DLG2: variants seen among roughly 807,000 people sequenced by gnomAD.
DLG2 encodes disks large homolog 2.
DLG2 carries 45 observed loss-of-function variants against 132.5 expected under a neutral mutation model. The observed-to-expected ratio is 0.34, with a 90% CI of 0.27 to 0.44. The LOEUF (loss-of-function observed/expected upper bound fraction) is 0.44, where lower values mean the gene tolerates loss of function less well. DLG2 is among the 20% of genes least tolerant of loss of function. The pLI, the probability that DLG2 is intolerant of heterozygous loss-of-function variation, is 1.00. For synonymous variants in DLG2, 424 were observed against 419.6 expected (o/e 1.01, Z -0.13); for missense variants, 1,045 against 1,196.9 (o/e 0.87, Z 1.87).
intron 10 of DLG2, among the ~76,000 whole-genome samples, chr11:84,073,908 C>A (rs369321158): frequency 1.3e-5 from 2 of 152,142 alleles, no homozygotes; most frequent in Non-Finnish European, 2.9e-5. Context: ...CCAACATATA[C>A]GTACGCAGGG....
At chr11:83,930,290 C>A in intron 15 of DLG2, 38 bp downstream of exon 15, 2 of 1,607,074 alleles carry the variant, frequency 1.2e-6, no homozygotes, top group Non-Finnish European at 1.7e-6. Context: ...GAAGCACATG[C>A]AGTTCGAGAA....
intron 8 of DLG2, among the ~76,000 whole-genome samples, chr11:84,203,581 CAA>C (rs58934857): frequency 5.0e-5 from 5 of 99,422 alleles, no homozygotes; most frequent in Non-Finnish European, 7.3e-5. Flanking sequence ...GACTCCGTCT[CAA>C]AAAAAAAAAA....
intron 6 of DLG2, among the ~76,000 whole-genome samples, chr11:84,732,386 T>A (rs1021117756): frequency 6.6e-6 from 1 of 152,012 alleles, no homozygotes; most frequent in African/African-American, 2.4e-5. Flanking sequence ...CCACCAGCAA[T>A]GTATGAGAAT....
intron 6 of DLG2, among the ~76,000 whole-genome samples, chr11:84,537,327 G>A (rs1252243514): frequency 4.0e-5 from 6 of 151,880 alleles, no homozygotes; most frequent in Non-Finnish European, 7.4e-5. Flanking sequence ...GGCTGGTCTC[G>A]AACTCTTACC....
At position 83,775,863 on chromosome 11, in the gene DLG2, C is replaced by T. The variant is rs540194249; in HGVS notation, c.1825+10827G>A. Among the ~76,000 whole-genome samples, 93 of 152,068 alleles carry T rather than the reference C, an allele frequency of 6.1e-4. 2 individuals carry two copies. The South Asian group carries it at 0.017, about 28-fold the overall frequency. On this transcript the variant is annotated intron_variant, in intron 18 of 27. Transcript: ENST00000376104. ...ATCCCAGCACCTTGGGAGGCCAAGG[C>T]GGGCGGATCACAAGATCAGGAGATC... is the stretch of plus-strand genomic sequence containing the variant.
At chr11:84,686,630 G>GTTTTTTT (rs60618412) in intron 6 of DLG2, among the ~76,000 whole-genome samples, 20 of 113,790 alleles carry the variant, frequency 1.8e-4, no homozygotes, top group Non-Finnish European at 2.3e-4. Context: ...TGGCCTTGAG[G>GTTTTTTT]TTTTTTTTTT....
chr11:85,502,273 G>A (rs891513855), intron 3 of DLG2, among the ~76,000 whole-genome samples: 4 of 151,536 alleles, frequency 2.6e-5, no homozygotes, highest in African/African-American at 2.4e-5. Context: ...TGTGTGGGGT[G>A]GTGGGCTAGG....
intron 15 of DLG2, 49 bp downstream of exon 15, chr11:83,930,279 G>A (rs1172638632): frequency 6.2e-7 from 1 of 1,601,788 alleles, no homozygotes; most frequent in Non-Finnish European, 8.5e-7. Context: ...TTATCCTTGT[G>A]GAAGCACATG....
intron 11 of DLG2, among the ~76,000 whole-genome samples, chr11:84,010,350 T>C (rs1412754159): frequency 1.3e-5 from 2 of 151,920 alleles, no homozygotes; most frequent in Non-Finnish European, 2.9e-5. Flanking sequence ...TGGAGTGCAG[T>C]GGCACAATCA....
At chr11:85,324,709 T>A (rs924787944) in intron 3 of DLG2, among the ~76,000 whole-genome samples, 10 of 152,124 alleles carry the variant, frequency 6.6e-5, no homozygotes, top group African/African-American at 2.4e-4. Context: ...AAAGAAATAA[T>A]TTTTAGGTGA....
intron 6 of DLG2, among the ~76,000 whole-genome samples, chr11:84,564,744 T>C (rs1019038611): frequency 6.6e-6 from 1 of 152,142 alleles, no homozygotes; most frequent in Non-Finnish European, 1.5e-5. Context: ...AAGAGTATGA[T>C]TCAGTGATTT....
At chr11:84,403,136 T>C (rs1455710961) in intron 7 of DLG2, among the ~76,000 whole-genome samples, 1 of 152,110 alleles carries the variant, frequency 6.6e-6, no homozygotes, top group Non-Finnish European at 1.5e-5. Context: ...GATGGTTCAG[T>C]TGATTGCTAA....
At chr11:84,111,765 G>A (rs1411295739) in intron 9 of DLG2, among the ~76,000 whole-genome samples, 1 of 152,138 alleles carries the variant, frequency 6.6e-6, no homozygotes, top group Non-Finnish European at 1.5e-5. Flanking sequence ...AGTCTAGTTG[G>A]GGAGATGTGC....
At chr11:84,829,622 C>T (rs2078767867) in intron 6 of DLG2, among the ~76,000 whole-genome samples, 1 of 151,646 alleles carries the variant, frequency 6.6e-6, no homozygotes, top group Non-Finnish European at 1.5e-5. Flanking sequence ...TGACTTTGGT[C>T]ATTAATTAAC....
At chr11:84,093,915 G>A (rs1415328394) in intron 10 of DLG2, among the ~76,000 whole-genome samples, 3 of 151,746 alleles carry the variant, frequency 2.0e-5, no homozygotes, top group Admixed American at 6.6e-5. Flanking sequence ...GCGCCTATTC[G>A]TGAGTGGCAT....
At chr11:85,599,933 T>C (rs2080035028) in intron 2 of DLG2, among the ~76,000 whole-genome samples, 1 of 152,208 alleles carries the variant, frequency 6.6e-6, no homozygotes, top group Non-Finnish European at 1.5e-5. Flanking sequence ...AAAGCCCTCC[T>C]TCCCTTCCAA....
rs1366883595 is a variant in DLG2 at position 85,285,985 on chromosome 11, G to A, written c.41-620C>T. 5 of 329,970 alleles carry A rather than the reference G, an allele frequency of 1.5e-5. No homozygotes were observed. In the Admixed American group the frequency reaches 2.3e-4, roughly 15 times the overall value. 20.4% of individuals were successfully genotyped at this position (329,970 alleles called of 1,614,324 possible). On this transcript the variant is annotated intron_variant, in intron 3 of 27. Transcript: ENST00000376104. ...GGCAAATTAAAAAAAAAATCATGTA[G>A]GAAGTCAGAGGATCCCAAGATGAAA...
chr11:83,661,651 T>C (rs1566378063), intron 18 of DLG2, among the ~76,000 whole-genome samples: 1 of 152,144 alleles, frequency 6.6e-6, no homozygotes, highest in Non-Finnish European at 1.5e-5. Flanking sequence ...CCAAAGCTCA[T>C]GTCCACCTGC....
intron 4 of DLG2, among the ~76,000 whole-genome samples, chr11:85,248,602 T>C (rs1371783199): frequency 6.6e-6 from 1 of 151,882 alleles, no homozygotes; most frequent in African/African-American, 2.4e-5. Context: ...GAGGTGCCAG[T>C]AGGGATGAGA....
Sources: gnomAD v4.1 joint callset for allele counts (sites outside exome capture counted in the v4.1 genomes callset) on GRCh38, gnomAD v4.1.1 for gene constraint, MANE v1.5 for transcripts, NCBI Gene and HGNC (gene_info 2026-07-23, HGNC 2026-07-21) for gene names.